The following PHLDB2 variants were observed in gnomAD, a reference collection of about 807,000 sequenced individuals.
The protein encoded by PHLDB2 is pleckstrin homology like domain family B member 2.
In PHLDB2, 71 loss-of-function variants were observed where a neutral mutation model predicts 123.6. That is an observed-to-expected ratio of 0.57 (90% CI 0.47 to 0.70). PHLDB2 has a LOEUF of 0.70. Ranked by LOEUF, PHLDB2 falls within the 30% of genes least tolerant of loss-of-function variation. The probability of loss-of-function intolerance (pLI) is 0.00; values close to 1 mark genes in which losing one functional copy is unlikely to be tolerated. For missense variants in PHLDB2, 1,446 were observed against 1,519.5 expected (o/e 0.95, Z 0.80); for synonymous variants, 547 against 541.6 (o/e 1.01, Z -0.14).
intron 13 of PHLDB2, among the ~76,000 whole-genome samples, chr3:111,965,485 A>G (rs1413961759): frequency 2.0e-5 from 3 of 152,252 alleles, no homozygotes; most frequent in African/African-American, 7.2e-5. Flanking sequence ...TGAGAATACT[A>G]TATTAATAAG....
At chr3:111,768,034 G>A (rs995254116) in intron 1 of PHLDB2, among the ~76,000 whole-genome samples, 8 of 152,144 alleles carry the variant, frequency 5.3e-5, no homozygotes, top group Admixed American at 2.0e-4. Flanking sequence ...AGAGAGGGAT[G>A]ATTGATCCTG....
At chr3:111,932,521 T>TA (rs1481848172) in intron 6 of PHLDB2, 124 bp downstream of exon 6, 5 of 990,266 alleles carry the variant, frequency 5.0e-6, no homozygotes, top group Non-Finnish European at 7.2e-6. Context: ...AGTCATTAGA[T>TA]ACGTTTAAAT....
At chr3:111,909,849 A>G (rs542911651) in intron 2 of PHLDB2, among the ~76,000 whole-genome samples, 16 of 152,346 alleles carry the variant, frequency 1.1e-4, no homozygotes, top group Non-Finnish European at 2.2e-4. Flanking sequence ...TTTAAGTAAT[A>G]CATGACCCAA....
upstream of PHLDB2, among the ~76,000 whole-genome samples, chr3:111,857,086 C>T (rs1442034280): frequency 6.6e-6 from 1 of 151,986 alleles, no homozygotes; most frequent in Non-Finnish European, 1.5e-5. Context: ...AACAAAGGCC[C>T]TGAGATAGAA....
At chr3:111,970,617 A>G (rs1056690734) in intron 16 of PHLDB2, among the ~76,000 whole-genome samples, 1 of 152,186 alleles carries the variant, frequency 6.6e-6, no homozygotes, top group Non-Finnish European at 1.5e-5. Context: ...CAAATCTTAT[A>G]TAAGTGCAGG....
At chr3:111,795,019 G>A (rs894367075) in intron 1 of PHLDB2, among the ~76,000 whole-genome samples, 26 of 152,074 alleles carry the variant, frequency 1.7e-4, no homozygotes, top group African/African-American at 6.3e-4. Context: ...TTCTAAAATC[G>A]GGGGTATAGC....
chr3:111,902,017 G>T (rs1240642118), intron 2 of PHLDB2, among the ~76,000 whole-genome samples: 1 of 151,974 alleles, frequency 6.6e-6, no homozygotes, highest in Non-Finnish European at 1.5e-5. Context: ...TGTCTTTTAA[G>T]AATAGTTCAC....
intron 8 of PHLDB2, 115 bp downstream of exon 8, chr3:111,940,760 A>AG: frequency 2.2e-6 from 1 of 463,754 alleles, no homozygotes; most frequent in Non-Finnish European, 3.8e-6. Context: ...AATTTAAGGA[A>AG]GATTTTTATA....
intron 1 of PHLDB2, chr3:111,845,761 G>A: frequency 6.3e-7 from 1 of 1,582,166 alleles, no homozygotes; most frequent in South Asian, 1.1e-5. Flanking sequence ...TTGACCTTGA[G>A]TTTTCAGAGG....
intron 1 of PHLDB2, among the ~76,000 whole-genome samples, chr3:111,864,826 T>TG (rs1314270573): frequency 1.3e-5 from 2 of 152,202 alleles, no homozygotes; most frequent in African/African-American, 4.8e-5. Flanking sequence ...TATGCCACTG[T>TG]TTATCGATGG....
At chr3:111,791,263 A>G (rs979613719) in intron 1 of PHLDB2, among the ~76,000 whole-genome samples, 1 of 152,196 alleles carries the variant, frequency 6.6e-6, no homozygotes, top group Non-Finnish European at 1.5e-5. Context: ...CCCTGCTATG[A>G]ACTTTCCTAT....
At chr3:111,856,021 C>G (rs1209607024), upstream of PHLDB2, among the ~76,000 whole-genome samples, 1 of 152,194 alleles carries the variant, frequency 6.6e-6, no homozygotes, top group African/African-American at 2.4e-5. Flanking sequence ...GAAAACCACT[C>G]TAACTCATCA....
At position 111,762,226 on chromosome 3, in the gene PHLDB2, A is replaced by G. The variant is rs140231903; in HGVS notation, c.-49+29523A>G. Among the ~76,000 whole-genome samples the G allele has an allele frequency of 1.3e-3, 205 of 152,360 alleles. 1 individual carries two copies. Among genetic ancestry groups the G allele is most frequent in the Admixed American group, 5.9e-3 (91 of 15,306 alleles). Reference sequence around the variant, plus strand: ...ACTGCAGTACTGGAAGGATAACACAATTGATCTCAGAGGACTGTTGTGAAG... The same window carrying G: ...ACTGCAGTACTGGAAGGATAACACAGTTGATCTCAGAGGACTGTTGTGAAG... On this transcript the variant is annotated intron_variant, in intron 1 of 17. Transcript: ENST00000393923.
chr3:111,858,096 C>T (rs1473901411), upstream of PHLDB2, among the ~76,000 whole-genome samples: 1 of 152,196 alleles, frequency 6.6e-6, no homozygotes, highest in African/African-American at 2.4e-5. Context: ...AAATGTGGCA[C>T]ATATACACCA....
At chr3:111,827,194 G>A (rs72936491) in intron 1 of PHLDB2, among the ~76,000 whole-genome samples, 5,484 of 152,246 alleles carry the variant, frequency 0.036, 342 homozygotes, top group African/African-American at 0.12. Context: ...ATTTAAGACA[G>A]AAATGTGACC....
Position 111,948,942 on chromosome 3 carries a change from G to T in PHLDB2, c.2498G>T (p.Ser833Ile). The change falls in exon 10 of 18, where the codon AGT becomes ATT. Residue 833 changes from serine (S) to isoleucine (I), a missense_variant. Around this residue, in one of 3 missense-constraint regions of PHLDB2, gnomAD observed 594 missense variants for 646.0 expected, o/e 0.92. Transcript: ENST00000431670. ...NPNTLKEGYI[S>I]VNEINEPCGN... ...AATTCCTCCTTTTAGGGCTATATCA[G>T]TGTAAATGAGATTAATGAGCCGTGT... 1 of 1,613,892 alleles carries T rather than the reference G, an allele frequency of 6.2e-7. No homozygotes were observed. The highest frequency in any genetic ancestry group is 8.5e-7 in the Non-Finnish European group (1 of 1,179,940).
At chr3:111,850,560 G>C (rs546197757) in intron 2 of PHLDB2, among the ~76,000 whole-genome samples, 6 of 152,102 alleles carry the variant, frequency 3.9e-5, no homozygotes, top group Non-Finnish European at 7.4e-5. Flanking sequence ...GACCCCAGGA[G>C]CTCAAGACCA....
At chr3:111,959,810 C>T (rs2071283771) in intron 12 of PHLDB2, among the ~76,000 whole-genome samples, 2 of 152,202 alleles carry the variant, frequency 1.3e-5, no homozygotes, top group Non-Finnish European at 2.9e-5. Flanking sequence ...AACATGCTCA[C>T]CTTCTTTCCT....
intron 1 of PHLDB2, among the ~76,000 whole-genome samples, chr3:111,735,593 G>A (rs1449819534): frequency 6.6e-6 from 1 of 152,178 alleles, no homozygotes; most frequent in African/African-American, 2.4e-5. Flanking sequence ...ATTACAAATA[G>A]AGATTGCATC....
Sources: allele counts gnomAD v4.1 joint callset (sites outside exome capture counted in the v4.1 genomes callset), GRCh38; gene constraint gnomAD v4.1.1; regional missense constraint gnomAD v4.1.1; transcripts MANE v1.5; gene names NCBI Gene and HGNC (gene_info 2026-07-23, HGNC 2026-07-21).